Variants in SMC2 observed in about 807,000 individuals in gnomAD.
SMC2 encodes structural maintenance of chromosomes protein 2.
In SMC2, 41 loss-of-function variants were observed where a neutral mutation model predicts 142.6. The ratio of observed to expected loss-of-function variants is 0.29; its 90% CI spans 0.22 to 0.37. The LOEUF is 0.37. SMC2 is among the 10% of genes least tolerant of loss of function. The pLI is 1.00. For missense variants in SMC2, 1,265 were observed against 1,373.7 expected, an observed-to-expected ratio of 0.92 and a Z score of 1.25; for synonymous variants, 463 against 457.5, an observed-to-expected ratio of 1.01 and a Z score of -0.15.
Position 104,120,105 on chromosome 9 carries a change from A to G in SMC2, c.2075A>G (p.Glu692Gly). 1.2e-6 allele frequency: 2 copies of G among 1,614,072 alleles called. No individual in the cohort carries two copies. Among genetic ancestry groups the G allele is most frequent in the Non-Finnish European group, 1.7e-6 (2 of 1,179,952 alleles). ...GTTCAGGATGAACTGAGAATCAAAGAGAATGAGCTGCGGGCTCTAGAAGAG... is the reference window on the plus strand; with the variant it reads ...GTTCAGGATGAACTGAGAATCAAAGGGAATGAGCTGCGGGCTCTAGAAGAG... ...KDVQDELRIK[E>G]NELRALEEEL... Residue 692 changes from glutamate (E) to glycine (G), a missense_variant, in exon 16 of 25, where the codon GAG becomes GGG. Around this residue, in one of 4 missense-constraint regions of SMC2, gnomAD observed 898 missense variants for 904.2 expected, o/e 0.99. Transcript: ENST00000374793.
intron 9 of SMC2, among the ~76,000 whole-genome samples, chr9:104,108,299 G>A (rs1304666795): frequency 1.3e-5 from 2 of 152,040 alleles, no homozygotes; most frequent in East Asian, 3.9e-4. Flanking sequence ...TCTCTGGTGG[G>A]GACCCGGAGA....
At chr9:104,123,276 A>G (rs1279653378) in intron 17 of SMC2, 44 bp downstream of exon 17, 7 of 1,585,932 alleles carry the variant, frequency 4.4e-6, no homozygotes, top group Non-Finnish European at 6.0e-6. Context: ...TTTTATTCAT[A>G]TCCGTTACCT....
chr9:104,100,080 A>G lies in SMC2; in HGVS notation c.481-13A>G, dbSNP rs374800587. On this transcript the variant is annotated splice_polypyrimidine_tract_variant and intron_variant, in intron 5 of 24. Transcript: ENST00000374793. ...GTCTTGGATACTAAACATTAATAAAATTGTCATTCCAGATTTTATCCATGA... is the reference window on the plus strand; with the variant it reads ...GTCTTGGATACTAAACATTAATAAAGTTGTCATTCCAGATTTTATCCATGA... 2.2e-6 allele frequency: 3 copies of G among 1,391,224 alleles called. No homozygotes were observed. The African/African-American group carries it at 4.4e-5, about 20-fold the overall frequency. 86.2% of individuals were successfully genotyped at this position (1,391,224 alleles called of 1,614,324 possible). A position where few individuals can be genotyped will look rare whatever the true frequency, so the allele number is the denominator to read the frequency against.
intron 9 of SMC2, among the ~76,000 whole-genome samples, chr9:104,103,059 A>T (rs1468680514): frequency 6.6e-6 from 1 of 152,128 alleles, no homozygotes; most frequent in East Asian, 1.9e-4. Flanking sequence ...ATTTGGAGGC[A>T]TCATCAATGT....
In SMC2 at chr9:104,102,112, T is replaced by C; in HGVS notation, c.789T>C (p.Leu263=). 1 of 1,602,912 alleles carries C rather than the reference T, an allele frequency of 6.2e-7. No individual in the cohort carries two copies. Among genetic ancestry groups the C allele is most frequent in the Non-Finnish European group, 8.5e-7 (1 of 1,170,740 alleles). The change falls in exon 8 of 25, where the codon CTT becomes CTC. Residue 263 remains leucine (L), a synonymous_variant. Transcript: ENST00000374793. The part of the protein sequence containing the change: ...LKEMQDKVIK[L]QEELSENDKK... The stretch of plus-strand genomic sequence containing the variant: ...AAATGCAAGATAAAGTTATAAAGCT[T>C]CAGGAAGAATTGTCTGAGAATGATA...
chr9:104,119,376 C>G (rs1833481920), intron 15 of SMC2, among the ~76,000 whole-genome samples: 1 of 152,170 alleles, frequency 6.6e-6, no homozygotes, highest in South Asian at 2.1e-4. Flanking sequence ...ATTCTTCCAT[C>G]AAACCTGTGG....
In SMC2 at chr9:104,113,315, G is replaced by A; in HGVS notation, c.1255-1G>A. 2 of 1,598,928 alleles carry A rather than the reference G, an allele frequency of 1.3e-6. No homozygotes were observed. Among genetic ancestry groups the A allele is most frequent in the Non-Finnish European group, 1.7e-6 (2 of 1,174,408 alleles). ...TGGTCTGTTGCATTTTTCTGCCACA[G>A]GCTCAGATGAAGTTGAAGCATGCTC... is the stretch of plus-strand genomic sequence containing the variant. On this transcript the variant is annotated splice_acceptor_variant, in intron 10 of 24. Transcript: ENST00000374793. LOFTEE classifies it high-confidence loss of function.
chr9:104,114,595 C>CAT, intron 12 of SMC2, 96 bp from the exon 13 acceptor site: 3 of 1,096,400 alleles, frequency 2.7e-6, no homozygotes, highest in African/African-American at 3.2e-5. Flanking sequence ...TTTCATTTCA[C>CAT]TTTAATGTGT....
At chr9:104,099,832 A>T (rs112954628) in intron 5 of SMC2, 150 bp downstream of exon 5, 2 of 617,460 alleles carry the variant, frequency 3.2e-6, no homozygotes, top group South Asian at 4.3e-5. Flanking sequence ...AATATTTGGC[A>T]CTATGCCCAA....
At chr9:104,117,755 G>A (rs1833287856) in intron 14 of SMC2, among the ~76,000 whole-genome samples, 1 of 152,100 alleles carries the variant, frequency 6.6e-6, no homozygotes, top group Non-Finnish European at 1.5e-5. Context: ...GATTTAGAAA[G>A]TTCAACCACT....
chr9:104,104,545 C>T (rs2900358), intron 9 of SMC2, among the ~76,000 whole-genome samples: 8,591 of 152,138 alleles, frequency 0.056, 642 homozygotes, highest in African/African-American at 0.18. Context: ...GCTGGAGGAG[C>T]AGATAGAACA....
rs1360162781 is a variant in SMC2, at chr9:104,100,157, A to G, written c.545A>G (p.Gln182Arg). The change falls in exon 6 of 25, where the codon CAG becomes CGG. Residue 182 changes from glutamine (Q) to arginine (R), a missense_variant. Physicochemically the swap from Gln to Arg is conservative, Grantham distance 43. Transcript: ENST00000374793. ...TATGAATACAAAAAAATAGCTGCAC[A>G]GAAAACTATAGAAAAAAAGGAGGCT... ...RMYEYKKIAA[Q>R]KTIEKKEAKL... 2.5e-6 allele frequency: 4 copies of G among 1,577,234 alleles called. No homozygotes were observed. In the Admixed American group the frequency reaches 8.4e-5, roughly 33 times the overall value.
chr9:104,102,697 G>C, intron 9 of SMC2, 124 bp downstream of exon 9: 5 of 1,017,498 alleles, frequency 4.9e-6, no homozygotes, highest in Non-Finnish European at 6.8e-6. Flanking sequence ...AGTTGTTTGG[G>C]CTGTGGTTAC....
At chr9:104,118,113 C>T in intron 14 of SMC2, 58 bp from the exon 15 acceptor site, 1 of 1,351,890 alleles carries the variant, frequency 7.4e-7, no homozygotes, top group Admixed American at 1.9e-5. Flanking sequence ...TTTATAAAAT[C>T]ATATCTGAAA....
chr9:104,113,259 ATTACTAGCACTGTC>A (rs1832696933), intron 10 of SMC2, 43 bp from the exon 11 acceptor site: 1 of 1,338,656 alleles, frequency 7.5e-7, no homozygotes, highest in African/African-American at 1.5e-5. Flanking sequence ...CGGCCATTTA[ATTACTAGCACTGTC>A]TGCCTCATAC....
At chr9:104,099,088 AACTTT>A (rs895943096) in intron 4 of SMC2, among the ~76,000 whole-genome samples, 26 of 152,108 alleles carry the variant, frequency 1.7e-4, no homozygotes, top group Admixed American at 9.2e-4. Context: ...TCATAGTTGA[AACTTT>A]ACTTTAAATG....
intron 3 of SMC2, among the ~76,000 whole-genome samples, chr9:104,098,136 AGT>A (rs916320363): frequency 2.4e-4 from 37 of 152,360 alleles, no homozygotes; most frequent in African/African-American, 8.2e-4. Flanking sequence ...TAACTAGGAA[AGT>A]GTGTTTTACA....
At position 104,129,840 on chromosome 9, in the gene SMC2, G is replaced by T; in HGVS notation, c.2986G>T (p.Glu996Ter). The T allele has an allele frequency of 1.2e-6, 2 of 1,611,962 alleles. No individual in the cohort carries two copies. The highest frequency in any genetic ancestry group is 2.2e-5 in the South Asian group (2 of 90,974). Residue 996 changes from glutamate (E) to a stop codon, truncating the protein, a stop_gained, in exon 21 of 25, where the codon GAG (glutamate) becomes TAG (stop). Transcript: ENST00000374793. LOFTEE classifies it high-confidence loss of function. Reference protein sequence around the residue: ...RAMNVLTEAEERYNDLMKKKR... With the variant: ...RAMNVLTEAE ...TATGAATGTATTGACAGAAGCTGAA[G>T]AGCGAGTAAGTCAATTTCTTATGAA...
Position 104,116,249 on chromosome 9 carries a change from C to T in SMC2, c.1721C>T (p.Thr574Ile), listed in dbSNP as rs1287544583. The change falls in exon 14 of 25, where the codon ACT becomes ATT. Residue 574 changes from threonine to isoleucine, a missense_variant. Around this residue, in one of 4 missense-constraint regions of SMC2, gnomAD observed 898 missense variants for 904.2 expected, o/e 0.99. Coordinates refer to ENST00000374793, the MANE Select transcript of SMC2 (RefSeq NM_006444.3). ...LERGELKRRY[T>I]IIPLNKISAR... ...AGGGGGGAACTGAAACGTCGATACA[C>T]TATAATTCCACTCAATAAAATTTCA... 1.9e-6 allele frequency: 3 copies of T among 1,609,456 alleles called. No individual in the cohort carries two copies. Among genetic ancestry groups the T allele is most frequent in the Non-Finnish European group, 2.5e-6 (3 of 1,177,926 alleles).
Sources: allele counts gnomAD v4.1 joint callset (sites outside exome capture counted in the v4.1 genomes callset), GRCh38; gene constraint gnomAD v4.1.1; regional missense constraint gnomAD v4.1.1; transcripts MANE v1.5; gene names NCBI Gene and HGNC (gene_info 2026-07-23, HGNC 2026-07-21).